The following CRPPA variants were observed in gnomAD, a reference collection of about 807,000 sequenced individuals.
CRPPA encodes CDP-L-ribitol pyrophosphorylase A, also known as D-ribitol-5-phosphate cytidylyltransferase.
CRPPA carries 43 observed loss-of-function variants against 52.0 expected under a neutral mutation model. The observed-to-expected ratio is 0.83, with a 90% CI of 0.65 to 1.07. The LOEUF is 1.07. Ranked by LOEUF, CRPPA falls within the 50% of genes least tolerant of loss-of-function variation. The pLI, the probability that CRPPA is intolerant of heterozygous loss-of-function variation, is 0.00. For missense variants in CRPPA, 629 were observed against 551.7 expected, an observed-to-expected ratio of 1.14 and a Z score of -1.40; for synonymous variants, 250 against 203.5, an observed-to-expected ratio of 1.23 and a Z score of -1.94.
At position 16,191,461 on chromosome 7, in the gene CRPPA, ATGG is replaced by A. The variant is rs369815334; in HGVS notation, c.1251+24602_1251+24604del. ...TAAAATAGATTTGCAGACTTTGATA[ATGG>A]TGGTGTGGCTCATGGTGTAGGAAGC... On this transcript the variant is annotated intron_variant, in intron 9 of 9. Transcript: ENST00000407010. Among the ~76,000 whole-genome samples the A allele has an allele frequency of 9.2e-5, 14 of 152,240 alleles. No homozygotes were observed. The East Asian group carries it at 2.7e-3, about 29-fold the overall frequency.
At chr7:16,139,027 C>A (rs1057197072) in intron 9 of CRPPA, among the ~76,000 whole-genome samples, 1 of 152,142 alleles carries the variant, frequency 6.6e-6, no homozygotes, top group Non-Finnish European at 1.5e-5. Flanking sequence ...GTCTCAAACT[C>A]CTGACCTCAA....
At chr7:16,173,540 A>ATT (rs1208117560) in intron 9 of CRPPA, among the ~76,000 whole-genome samples, 1 of 152,216 alleles carries the variant, frequency 6.6e-6, no homozygotes, top group Admixed American at 6.5e-5. Flanking sequence ...CCACTTAGAA[A>ATT]AACTAATAAA....
intron 3 of CRPPA, among the ~76,000 whole-genome samples, chr7:16,328,974 C>T (rs1440198094): frequency 6.6e-6 from 1 of 152,170 alleles, no homozygotes; most frequent in Admixed American, 6.5e-5. Context: ...GCTTTCTTGA[C>T]TGTACATAAC....
At chr7:16,371,760 C>T (rs565937561) in intron 3 of CRPPA, among the ~76,000 whole-genome samples, 2 of 151,556 alleles carry the variant, frequency 1.3e-5, no homozygotes, top group Admixed American at 1.3e-4. Flanking sequence ...GATTATTAAG[C>T]TATTCAAGGA....
At chr7:16,380,154 G>A (rs1433660983) in intron 2 of CRPPA, among the ~76,000 whole-genome samples, 5 of 151,142 alleles carry the variant, frequency 3.3e-5, no homozygotes, top group African/African-American at 7.3e-5. Context: ...ATTATTTTGA[G>A]ATACGTCCCA....
chr7:16,209,100 T>G, intron 9 of CRPPA: 1 of 362,266 alleles, frequency 2.8e-6, no homozygotes, highest in East Asian at 7.1e-5. Flanking sequence ...GTGGGCAGAC[T>G]AAGCCAATTA....
In CRPPA at chr7:16,133,678, A is replaced by G. The variant is rs1782716499; in HGVS notation, c.1252-41879T>C. ...AATACTGTAAACCTTGCATAACACC[A>G]TGGGAGCCATACAAAGTACCACTGA... On this transcript the variant is annotated intron_variant, in intron 9 of 9. Coordinates refer to ENST00000407010, the MANE Select transcript of CRPPA (RefSeq NM_001101426.4). 3.2e-5 allele frequency among the ~76,000 whole-genome samples: 4 copies of G among 123,998 alleles called. 2 individuals are homozygous for G. Among genetic ancestry groups the G allele is most frequent in the Non-Finnish European group, 7.3e-5 (4 of 54,614 alleles). 81.3% of individuals were successfully genotyped at this position (123,998 alleles called of 152,430 possible).
At chr7:16,249,650 A>C (rs1783385660) in intron 8 of CRPPA, among the ~76,000 whole-genome samples, 1 of 152,208 alleles carries the variant, frequency 6.6e-6, no homozygotes, top group African/African-American at 2.4e-5. Flanking sequence ...TGATTGTTAG[A>C]AGGAAAACTA....
intron 3 of CRPPA, among the ~76,000 whole-genome samples, chr7:16,353,721 G>A (rs10238993): frequency 2.6e-5 from 4 of 151,670 alleles, no homozygotes; most frequent in Non-Finnish European, 5.9e-5. Context: ...GTGGTGACAC[G>A]TGCCTGTAAT....
At chr7:16,169,775 T>C (rs536480826) in intron 9 of CRPPA, among the ~76,000 whole-genome samples, 5 of 152,306 alleles carry the variant, frequency 3.3e-5, no homozygotes, top group South Asian at 2.1e-4. Flanking sequence ...TCTGGACAAC[T>C]GGCTAAAATG....
intron 2 of CRPPA, among the ~76,000 whole-genome samples, chr7:16,395,423 T>C (rs1328028314): frequency 1.3e-5 from 2 of 152,210 alleles, no homozygotes; most frequent in Non-Finnish European, 2.9e-5. Flanking sequence ...CATATAATTA[T>C]GATTTTAGTT....
chr7:16,291,804 C>T (rs1049691063), intron 5 of CRPPA, among the ~76,000 whole-genome samples: 3 of 151,764 alleles, frequency 2.0e-5, no homozygotes, highest in African/African-American at 7.2e-5. Flanking sequence ...GATTTGATTA[C>T]ACATTGTATC....
At chr7:16,362,180 A>C (rs1168724909) in intron 3 of CRPPA, among the ~76,000 whole-genome samples, 1 of 152,230 alleles carries the variant, frequency 6.6e-6, no homozygotes, top group Non-Finnish European at 1.5e-5. Context: ...AAAAGAGTGC[A>C]TGTCTCAGTC....
intron 8 of CRPPA, among the ~76,000 whole-genome samples, chr7:16,234,861 C>T (rs1438312812): frequency 6.6e-6 from 1 of 151,660 alleles, no homozygotes; most frequent in East Asian, 1.9e-4. Context: ...GAGAGTTTGG[C>T]AAGTAAACAA....
intron 9 of CRPPA, among the ~76,000 whole-genome samples, chr7:16,114,900 G>A (rs1011601271): frequency 6.6e-5 from 10 of 152,016 alleles, no homozygotes; most frequent in African/African-American, 2.4e-4. Context: ...CTTAATAAAT[G>A]TATAGTTATT....
At chr7:16,170,365 G>A (rs1407052354) in intron 9 of CRPPA, among the ~76,000 whole-genome samples, 3 of 152,142 alleles carry the variant, frequency 2.0e-5, no homozygotes, top group Non-Finnish European at 2.9e-5. Flanking sequence ...AGACCCTCGC[G>A]GTGAGTGTTA....
intron 9 of CRPPA, among the ~76,000 whole-genome samples, chr7:16,127,100 T>A (rs925980484): frequency 6.6e-6 from 1 of 152,160 alleles, no homozygotes; most frequent in African/African-American, 2.4e-5. Flanking sequence ...CATTCACATA[T>A]AAAAATCAAT....
At chr7:16,350,144 C>T (rs575374965) in intron 3 of CRPPA, among the ~76,000 whole-genome samples, 6 of 151,880 alleles carry the variant, frequency 4.0e-5, no homozygotes, top group African/African-American at 1.2e-4. Context: ...GAATAGAATA[C>T]CCAGGAAGCC....
chr7:16,342,782 A>AAAAAAAAAAAAAATATAT (rs1554335212), intron 3 of CRPPA, among the ~76,000 whole-genome samples: 2 of 76,542 alleles, frequency 2.6e-5, no homozygotes, highest in African/African-American at 4.8e-5. Context: ...AAAAAAAAAA[A>AAAAAAAAAAAAAATATAT]ATATATATAT....
Sources: allele counts gnomAD v4.1 joint callset (sites outside exome capture counted in the v4.1 genomes callset), GRCh38; gene constraint gnomAD v4.1.1; transcripts MANE v1.5; gene names NCBI Gene and HGNC (gene_info 2026-07-23, HGNC 2026-07-21).